Variants in WDR37 observed in about 807,000 individuals in gnomAD.
WDR37 encodes WD repeat-containing protein 37.
WDR37 carries 19 observed loss-of-function variants against 62.9 expected under a neutral mutation model. The ratio of observed to expected loss-of-function variants is 0.30; its 90% confidence interval spans 0.21 to 0.44. The LOEUF is 0.44. WDR37 is among the 20% of genes least tolerant of loss of function. The probability of loss-of-function intolerance (pLI) is 1.00; values close to 1 mark genes in which losing one functional copy is unlikely to be tolerated. For synonymous variants in WDR37, 250 were observed against 260.9 expected, an observed-to-expected ratio of 0.96 and a Z score of 0.40; for missense variants, 474 against 657.6, an observed-to-expected ratio of 0.72 and a Z score of 3.05.
intron 5 of WDR37, 52 bp downstream of exon 5, chr10:1,080,528 A>T: frequency 6.3e-7 from 1 of 1,576,268 alleles, no homozygotes; most frequent in African/African-American, 1.4e-5. Context: ...AGGTGTGCAG[A>T]TGTGTACTTT....
rs375864539 is a variant in WDR37, at chr10:1,096,254, C to A, written c.726+8C>A. ...CCTGTTGCTGACACTAGTGTAAGCA[C>A]CTTTCCTTACCTGTGAATGTGTAGG... On this transcript the variant is annotated splice_region_variant and intron_variant, in intron 9 of 13. Transcript: ENST00000263150. 49 of 1,613,476 alleles carry A rather than the reference C, an allele frequency of 3.0e-5. No individual in the cohort carries two copies. In the South Asian group the frequency reaches 3.4e-4, roughly 11 times the overall value.
At chr10:1,110,298 TCTTC>T (rs1244322188) in intron 11 of WDR37, among the ~76,000 whole-genome samples, 1 of 152,148 alleles carries the variant, frequency 6.6e-6, no homozygotes, top group East Asian at 1.9e-4. Context: ...GAACACAAAC[TCTTC>T]CTTCCTGACA....
At chr10:1,062,386 TG>T (rs1242890246) in intron 1 of WDR37, among the ~76,000 whole-genome samples, 1 of 152,186 alleles carries the variant, frequency 6.6e-6, no homozygotes, top group Admixed American at 6.5e-5. Flanking sequence ...AAGGTGATAT[TG>T]TAATCTCTGC....
At chr10:1,115,676 C>G (rs544692418) in intron 11 of WDR37, among the ~76,000 whole-genome samples, 1 of 152,164 alleles carries the variant, frequency 6.6e-6, no homozygotes, top group African/African-American at 2.4e-5. Flanking sequence ...GCCAGCTGGC[C>G]GCCTGGGAGG....
intron 3 of WDR37, among the ~76,000 whole-genome samples, chr10:1,078,720 G>T (rs957724844): frequency 6.6e-6 from 1 of 152,178 alleles, no homozygotes; most frequent in Non-Finnish European, 1.5e-5. Context: ...TCACTGTGTT[G>T]CCCAGGCTGG....
intron 11 of WDR37, among the ~76,000 whole-genome samples, chr10:1,108,596 C>A (rs1300670713): frequency 6.6e-6 from 1 of 152,228 alleles, no homozygotes; most frequent in East Asian, 1.9e-4. Context: ...ACGCTGAGTC[C>A]TGCAGAAGGG....
Position 1,072,183 on chromosome 10 carries a change from A to G in WDR37, c.28A>G (p.Thr10Ala), listed in dbSNP as rs992068746. ...GCCCACAGAAAGCGCAAGTTGTTCG[A>G]CTGCTCGCCAAACAAAACAGAAGCG... The part of the protein sequence containing the change: MPTESASCS[T>A]ARQTKQKRKS... The change falls in exon 2 of 14, where the codon ACT (threonine) becomes GCT (alanine). Residue 10 changes from threonine to alanine, a missense_variant. Transcript: ENST00000263150. 2 of 1,614,166 alleles carry G rather than the reference A, an allele frequency of 1.2e-6. No individual in the cohort carries two copies. The highest frequency in any genetic ancestry group is 1.7e-6 in the Non-Finnish European group (2 of 1,180,028).
In WDR37 at chr10:1,131,644, G is replaced by C. The variant is rs867356652; in HGVS notation, c.*2300G>C. The C allele has an allele frequency of 6.6e-6, 1 of 152,226 alleles. No homozygotes were observed. Among genetic ancestry groups the C allele is most frequent in the Non-Finnish European group, 1.5e-5 (1 of 68,108 alleles). The allele number at this position is 152,226 out of a possible 1,614,324, so 9.4% of individuals were successfully genotyped here. On this transcript the variant is annotated 3_prime_UTR_variant, in exon 14 of 14. Transcript: ENST00000263150. ...TAATGTGAGCTCATCCACTGCTGCT[G>C]CAGCGTGGTGATCAGGAGTCACAGA...
chr10:1,121,340 T>G lies in WDR37; in HGVS notation c.1104-2878T>G, dbSNP rs778155099. The stretch of plus-strand genomic sequence containing the variant: ...TGAAGACTCCAGTTCAAAGAGAAGT[T>G]GGGGGCACCTCTCCTCTCATTCTTC... On this transcript the variant is annotated intron_variant, in intron 11 of 13. Transcript: ENST00000263150. The surrounding 1 kb of genome is among the most constrained non-coding windows in gnomAD (Gnocchi z 4.5). Among the ~76,000 whole-genome samples, 1 of 152,170 alleles carries G rather than the reference T, an allele frequency of 6.6e-6. No homozygotes were observed. The highest frequency in any genetic ancestry group is 1.5e-5 in the Non-Finnish European group (1 of 68,028).
At chr10:1,109,399 T>G (rs985218917) in intron 11 of WDR37, among the ~76,000 whole-genome samples, 4 of 152,242 alleles carry the variant, frequency 2.6e-5, no homozygotes, top group Non-Finnish European at 5.9e-5. Flanking sequence ...GCCATTTGAC[T>G]GTGAAGTGAA....
intron 7 of WDR37, among the ~76,000 whole-genome samples, chr10:1,088,283 A>G (rs891573837): frequency 2.0e-5 from 3 of 152,218 alleles, no homozygotes; most frequent in Non-Finnish European, 4.4e-5. Flanking sequence ...CTTTGCATTC[A>G]GAAGTTGGCT....
chr10:1,070,125 T>C (rs1316087182), intron 1 of WDR37, among the ~76,000 whole-genome samples: 3 of 151,684 alleles, frequency 2.0e-5, no homozygotes, highest in East Asian at 1.9e-4. Flanking sequence ...AGATTCTTGC[T>C]TGAACCTGGG....
In WDR37 at chr10:1,105,807, A is replaced by T. The variant is rs920891733; in HGVS notation, c.1103+540A>T. On this transcript the variant is annotated intron_variant, in intron 11 of 13. Transcript: ENST00000263150. This position sits in a 1 kb window ranked among gnomAD's most constrained non-coding sequence, Gnocchi z 5.3. ...AAGTGTAAGGTCTTTTTTTTCTGAGACGGAGTCTCGCTCTGTCGCCCAGGC... is the reference window on the plus strand; with the variant it reads ...AAGTGTAAGGTCTTTTTTTTCTGAGTCGGAGTCTCGCTCTGTCGCCCAGGC... Among the ~76,000 whole-genome samples the T allele has an allele frequency of 2.6e-5, 4 of 151,798 alleles. No individual in the cohort carries two copies. Among genetic ancestry groups the T allele is most frequent in the Non-Finnish European group, 5.9e-5 (4 of 67,962 alleles).
Position 1,131,551 on chromosome 10 carries a change from G to C in WDR37, c.*2207G>C, listed in dbSNP as rs990193091. The C allele has an allele frequency of 6.6e-6, 1 of 152,298 alleles. No homozygotes were observed. The highest frequency in any genetic ancestry group is 6.5e-5 in the Admixed American group (1 of 15,280). The allele number at this position is 152,298 out of a possible 1,614,324, so 9.4% of individuals were successfully genotyped here. The stretch of plus-strand genomic sequence containing the variant: ...ACTCCTGCATGTCCTTGGGGGCGCA[G>C]CCCTGTGGTGCTCAGGCAGAGCTCT... On this transcript the variant is annotated 3_prime_UTR_variant, in exon 14 of 14. Transcript: ENST00000263150.
intron 11 of WDR37, among the ~76,000 whole-genome samples, chr10:1,117,064 TA>T (rs1441403085): frequency 6.6e-6 from 1 of 152,298 alleles, no homozygotes; most frequent in African/African-American, 2.4e-5. Flanking sequence ...TTTATTGGTT[TA>T]TTTTTTTGAG....
At chr10:1,058,723 G>A (rs1309692521) in intron 1 of WDR37, among the ~76,000 whole-genome samples, 1 of 152,156 alleles carries the variant, frequency 6.6e-6, no homozygotes, top group African/African-American at 2.4e-5. Context: ...GATTTCTGAG[G>A]TTGCCTGTAG....
At chr10:1,110,233 G>A (rs1835169836) in intron 11 of WDR37, among the ~76,000 whole-genome samples, 1 of 152,208 alleles carries the variant, frequency 6.6e-6, no homozygotes, top group African/African-American at 2.4e-5. Context: ...TTTCTCAGCT[G>A]TGCGCATGCA....
Position 1,103,804 on chromosome 10 carries a change from T to G in WDR37, c.929T>G (p.Val310Gly), listed in dbSNP as rs780829994. ...SWDRTANLYD[V>G]ETSELVHSLT... ...GACCGGACGGCAAACCTGTACGACG[T>G]GGAGACGTCCGAGCTCGTTCACTCT... Residue 310 changes from valine to glycine, a missense_variant, in exon 10 of 14, where the codon GTG (valine) becomes GGG (glycine). Transcript: ENST00000263150. This position sits in a 1 kb window ranked among gnomAD's most constrained non-coding sequence, Gnocchi z 6.3. The G allele has an allele frequency of 2.5e-6, 4 of 1,614,212 alleles. No homozygotes were observed. In the East Asian group the frequency reaches 8.9e-5, roughly 36 times the overall value.
At chr10:1,086,998 G>A (rs987057734) in intron 7 of WDR37, among the ~76,000 whole-genome samples, 3 of 152,216 alleles carry the variant, frequency 2.0e-5, no homozygotes, top group Non-Finnish European at 2.9e-5. Flanking sequence ...GCTGAGAGGT[G>A]GCATCGCCTG....
Sources: gnomAD v4.1 joint callset for allele counts (sites outside exome capture counted in the v4.1 genomes callset) on GRCh38, gnomAD v4.1.1 for gene constraint, Gnocchi (gnomAD v3.1) non-coding constraint, MANE v1.5 for transcripts, NCBI Gene and HGNC (gene_info 2026-07-23, HGNC 2026-07-21) for gene names.